Variants in CHM observed in about 807,000 individuals in gnomAD.
CHM encodes the protein CHM Rab escort protein.
A neutral mutation model predicts 49.0 loss-of-function variants in CHM; 10 were observed. The observed-to-expected ratio is 0.20, with a 90% CI of 0.13 to 0.35. The LOEUF (loss-of-function observed/expected upper bound fraction) is 0.35. Ranked by LOEUF, CHM falls within the 10% of genes least tolerant of loss-of-function variation. CHM has a pLI of 1.00. For missense variants in CHM, 455 were observed against 478.4 expected (o/e 0.95, Z 0.46); for synonymous variants, 184 against 167.5 (o/e 1.10, Z -0.76).
At chrX:85,892,034 G>A (rs1198391093) in intron 12 of CHM, among the ~76,000 whole-genome samples, 1 of 111,606 alleles carries the variant, frequency 9.0e-6, no homozygotes, top group Non-Finnish European at 1.9e-5. Context: ...CATGGGGCCT[G>A]TAAACCCTTT....
intron 4 of CHM, among the ~76,000 whole-genome samples, chrX:85,966,000 G>A (rs943717285): frequency 6.1e-4 from 68 of 111,318 alleles, no homozygotes; most frequent in South Asian, 1.1e-3. Context: ...TGTGAGATAA[G>A]GAAGCTAACA....
At chrX:85,973,300 C>CAAAAAAAAA (rs58103002) in intron 4 of CHM, among the ~76,000 whole-genome samples, 197 of 16,336 alleles carry the variant, frequency 0.012, 22 homozygotes, top group Admixed American at 0.023. Flanking sequence ...TCTGTCTCGA[C>CAAAAAAAAA]AAAAAAAAAA....
intron 9 of CHM, chrX:85,903,502 A>G (rs1926403824): frequency 2.8e-6 from 1 of 362,314 alleles, no homozygotes; most frequent in Non-Finnish European, 5.4e-6. Context: ...ACTAATGGAG[A>G]TCACTCAAAA....
chrX:85,969,108 A>T lies in CHM; in HGVS notation c.315-5056T>A, dbSNP rs1930737707. ...AGAATTTTAGATTCCTATTGCAAAA[A>T]AATCTTTATTTTTGGTATGAATACA... is the stretch of plus-strand genomic sequence containing the variant. On this transcript the variant is annotated intron_variant, in intron 4 of 14. Coordinates refer to ENST00000357749, the MANE Select transcript of CHM (RefSeq NM_000390.4). The T allele has an allele frequency of 1.1e-5, 8 of 697,055 alleles. No homozygotes were observed. In the South Asian group the frequency reaches 3.6e-4, roughly 32 times the overall value. The allele number at this position is 697,055 out of a possible 1,213,427, so 57.4% of individuals were successfully genotyped here.
At chrX:85,963,372 A>C (rs1033143087) in intron 5 of CHM, among the ~76,000 whole-genome samples, 5 of 112,787 alleles carry the variant, frequency 4.4e-5, no homozygotes, top group African/African-American at 1.6e-4. Flanking sequence ...CAGGTTCATT[A>C]GAATTTTTCT....
intron 2 of CHM, among the ~76,000 whole-genome samples, chrX:86,001,327 C>T (rs1171413712): frequency 9.4e-6 from 1 of 106,049 alleles, no homozygotes; most frequent in Non-Finnish European, 2.0e-5. Flanking sequence ...AGAGAAATGG[C>T]TAAATAAATC....
At chrX:86,042,013 T>C (rs942243928) in intron 1 of CHM, among the ~76,000 whole-genome samples, 1 of 109,597 alleles carries the variant, frequency 9.1e-6, no homozygotes, top group Non-Finnish European at 1.9e-5. Flanking sequence ...ATCACTTGTG[T>C]TAAGGCTGGC....
chrX:85,979,831 T>G (rs759153763), intron 3 of CHM, among the ~76,000 whole-genome samples: 261 of 111,821 alleles, frequency 2.3e-3, no homozygotes, highest in African/African-American at 8.2e-3. Flanking sequence ...TTGTCCTGAG[T>G]TTAACATTTT....
intron 4 of CHM, among the ~76,000 whole-genome samples, chrX:85,974,748 AAG>A (rs1204233905): frequency 9.0e-6 from 1 of 111,140 alleles, no homozygotes; most frequent in Non-Finnish European, 1.9e-5. Context: ...TTAAAAAAAA[AAG>A]AGAAAATCTA....
rs1043809496 is a variant in CHM, at chrX:85,877,772, C to A, written c.1609+1193G>T. On this transcript the variant is annotated intron_variant, in intron 13 of 14. Coordinates refer to ENST00000357749, the MANE Select transcript of CHM (RefSeq NM_000390.4). ...AAAATTAAAGAACAGAACAGTTTGT[C>A]TTCTTATGTAAATAAACCCCCCTCT... Among the ~76,000 whole-genome samples, 8 of 110,580 alleles carry A rather than the reference C, an allele frequency of 7.2e-5. 1 individual carries two copies. In the Admixed American group the frequency reaches 7.7e-4, roughly 11 times the overall value.
intron 8 of CHM, among the ~76,000 whole-genome samples, chrX:85,911,580 G>T (rs755721974): frequency 1.8e-5 from 2 of 109,167 alleles, no homozygotes; most frequent in East Asian, 2.9e-4. Context: ...GAGCAAACCA[G>T]AAGTGTCCCT....
intron 2 of CHM, among the ~76,000 whole-genome samples, chrX:86,001,407 A>AG (rs1695242159): frequency 9.0e-6 from 1 of 111,450 alleles, no homozygotes; most frequent in Non-Finnish European, 1.9e-5. Context: ...GCATTGCTAT[A>AG]CAGAAATATC....
intron 13 of CHM, among the ~76,000 whole-genome samples, chrX:85,877,428 G>A (rs976640151): frequency 2.7e-5 from 3 of 111,463 alleles, no homozygotes; most frequent in African/African-American, 9.8e-5. Flanking sequence ...GTACAACGAT[G>A]GTTATCAGAG....
At chrX:85,995,249 T>C (rs760140623) in intron 2 of CHM, among the ~76,000 whole-genome samples, 142 of 91,151 alleles carry the variant, frequency 1.6e-3, no homozygotes, top group Non-Finnish European at 2.8e-3. Context: ...GTGAAAACAT[T>C]CCTTATTACT....
At chrX:85,950,078 A>AATG (rs1929663507) in intron 8 of CHM, among the ~76,000 whole-genome samples, 1 of 98,484 alleles carries the variant, frequency 1.0e-5, no homozygotes. Context: ...AGGGAACTAA[A>AATG]ATGATCCTAA....
At chrX:85,994,877 A>T (rs1242884931) in intron 2 of CHM, among the ~76,000 whole-genome samples, 3 of 112,045 alleles carry the variant, frequency 2.7e-5, no homozygotes, top group African/African-American at 9.7e-5. Flanking sequence ...AGGGGAGAAG[A>T]GAGTTGTATG....
chrX:85,908,343 A>G (rs1181060999), intron 9 of CHM, among the ~76,000 whole-genome samples: 1 of 111,972 alleles, frequency 8.9e-6, no homozygotes, highest in Non-Finnish European at 1.9e-5. Context: ...TTTGATTTTG[A>G]ATGGCAAAGC....
chrX:85,979,743 C>G (rs1483399802), intron 3 of CHM, among the ~76,000 whole-genome samples: 1 of 112,020 alleles, frequency 8.9e-6, no homozygotes, highest in Non-Finnish European at 1.9e-5. Flanking sequence ...ATTACAATAT[C>G]TTTTAAGTAA....
At chrX:86,035,286 C>G (rs913115236) in intron 1 of CHM, among the ~76,000 whole-genome samples, 2 of 111,645 alleles carry the variant, frequency 1.8e-5, no homozygotes, top group African/African-American at 6.5e-5. Flanking sequence ...GAATAAGGAA[C>G]AAAATAATAT....
Sources: gnomAD v4.1 joint callset for allele counts (sites outside exome capture counted in the v4.1 genomes callset) on GRCh38, gnomAD v4.1.1 for gene constraint, MANE v1.5 for transcripts, NCBI Gene and HGNC (gene_info 2026-07-23, HGNC 2026-07-21) for gene names.